Variants in GALNT7 observed in about 807,000 individuals in gnomAD.
The protein encoded by GALNT7 is polypeptide N-acetylgalactosaminyltransferase 7, also known as N-acetylgalactosaminyltransferase 7.
Under a neutral mutation model 82.1 loss-of-function variants are expected in GALNT7, and 60 were observed. The ratio of observed to expected loss-of-function variants is 0.73; its 90% CI spans 0.59 to 0.91. The LOEUF is 0.91. Among genes scored for constraint, GALNT7 ranks in the 40% least tolerant of loss-of-function variants. The pLI is 0.00. For synonymous variants in GALNT7, 243 were observed against 275.1 expected, an observed-to-expected ratio of 0.88 and a Z score of 1.15; for missense variants, 660 against 804.2, an observed-to-expected ratio of 0.82 and a Z score of 2.17.
intron 1 of GALNT7, among the ~76,000 whole-genome samples, chr4:173,208,626 C>T (rs988309085): frequency 1.3e-5 from 2 of 152,200 alleles, no homozygotes; most frequent in African/African-American, 2.4e-5. Context: ...TCCACTGCAG[C>T]TCTTTCGCTG....
Position 173,323,598 on chromosome 4 carries a change from G to A in GALNT7, c.*1881G>A, listed in dbSNP as rs1408118051. On this transcript the variant is annotated 3_prime_UTR_variant, in exon 12 of 12. Coordinates refer to ENST00000265000, the MANE Select transcript of GALNT7 (RefSeq NM_017423.3). ...AGAAAGGTGGCAATGAACTGTGCAT[G>A]TAAATTTTAAATGGGTACTTTGTGC... is the stretch of plus-strand genomic sequence containing the variant. The A allele has an allele frequency of 6.6e-6, 1 of 152,518 alleles. No homozygotes were observed. Among genetic ancestry groups the A allele is most frequent in the Non-Finnish European group, 1.5e-5 (1 of 67,982 alleles). 9.4% of individuals were successfully genotyped at this position (152,518 alleles called of 1,614,324 possible). A position where few individuals can be genotyped will look rare whatever the true frequency, so the allele number is the denominator to read the frequency against.
chr4:173,268,280 T>C (rs1352448552), intron 2 of GALNT7: 1 of 152,706 alleles, frequency 6.5e-6, no homozygotes, highest in East Asian at 1.9e-4. Flanking sequence ...TTATTTTACC[T>C]ATAACGTTGA....
intron 1 of GALNT7, among the ~76,000 whole-genome samples, chr4:173,219,773 G>A (rs957356979): frequency 6.6e-6 from 1 of 151,260 alleles, no homozygotes; most frequent in South Asian, 2.1e-4. Context: ...CATTTTTTTT[G>A]GCCATTTGTG....
At chr4:173,257,467 G>T (rs1357162206) in intron 2 of GALNT7, among the ~76,000 whole-genome samples, 1 of 152,108 alleles carries the variant, frequency 6.6e-6, no homozygotes, top group African/African-American at 2.4e-5. Flanking sequence ...CATCATTTTT[G>T]CAAGATACAA....
In GALNT7 at chr4:173,304,076, A is replaced by C. The variant is rs1293490128; in HGVS notation, c.1347A>C (p.Gly449=). The C allele has an allele frequency of 6.2e-7, 1 of 1,613,562 alleles. No individual in the cohort carries two copies. The highest frequency in any genetic ancestry group is 1.1e-5 in the South Asian group (1 of 91,038). Residue 449 remains glycine (G), a synonymous_variant, in exon 8 of 12, where the codon GGA becomes GGC. Transcript: ENST00000265000. Reference sequence around the variant, plus strand: ...TCTACCGTCTTGAGGGCTGGCAAGGAAATCCTCCGCCCATTTATGTTGGGT... The same window carrying C: ...TCTACCGTCTTGAGGGCTGGCAAGGCAATCCTCCGCCCATTTATGTTGGGT... ...GHIYRLEGWQ[G]NPPPIYVGSS...
chr4:173,291,243 G>T (rs1736520558), intron 2 of GALNT7, among the ~76,000 whole-genome samples: 1 of 152,164 alleles, frequency 6.6e-6, no homozygotes, highest in South Asian at 2.1e-4. Flanking sequence ...GTTATAGTTT[G>T]TTTGGGGGGA....
At chr4:173,206,079 G>A (rs923799350) in intron 1 of GALNT7, among the ~76,000 whole-genome samples, 2 of 152,218 alleles carry the variant, frequency 1.3e-5, no homozygotes, top group African/African-American at 2.4e-5. Context: ...CCTGGAGCCT[G>A]TATCTGCAGT....
chr4:173,225,240 C>T (rs1345131907), intron 1 of GALNT7, among the ~76,000 whole-genome samples: 1 of 151,954 alleles, frequency 6.6e-6, no homozygotes. Flanking sequence ...TCCTCCCTCC[C>T]CTCTTTTTTC....
intron 1 of GALNT7, among the ~76,000 whole-genome samples, chr4:173,171,603 G>A (rs1289354158): frequency 1.3e-5 from 2 of 152,242 alleles, no homozygotes; most frequent in Non-Finnish European, 1.5e-5. Flanking sequence ...CACCTGTGGA[G>A]TCAAGACAAA....
chr4:173,203,870 G>A (rs1365434900), intron 1 of GALNT7, among the ~76,000 whole-genome samples: 1 of 152,146 alleles, frequency 6.6e-6, no homozygotes, highest in Non-Finnish European at 1.5e-5. Context: ...TATAAGTGAT[G>A]TATACACCAC....
chr4:173,225,004 G>C (rs1733776467), intron 1 of GALNT7, among the ~76,000 whole-genome samples: 1 of 141,508 alleles, frequency 7.1e-6, no homozygotes, highest in Non-Finnish European at 1.5e-5. Flanking sequence ...GACAGAGCGA[G>C]ACTCTGTCTC....
chr4:173,315,576 T>TTCTGGCGTTC (rs1479652850), intron 9 of GALNT7, among the ~76,000 whole-genome samples: 1 of 152,146 alleles, frequency 6.6e-6, no homozygotes, highest in Non-Finnish European at 1.5e-5. Flanking sequence ...ACGCCAGCAT[T>TTCTGGCGTTC]TAGAGTTCAG....
chr4:173,265,651 C>T (rs1257473345), intron 2 of GALNT7, among the ~76,000 whole-genome samples: 2 of 132,992 alleles, frequency 1.5e-5, no homozygotes, highest in African/African-American at 2.7e-5. Context: ...AAGACCCCCT[C>T]ATTCCCCCCA....
chr4:173,307,814 G>A (rs1040646871), intron 8 of GALNT7, among the ~76,000 whole-genome samples: 15 of 152,204 alleles, frequency 9.9e-5, no homozygotes, highest in African/African-American at 3.6e-4. Context: ...TCAGGATCAG[G>A]GCTCACTGGG....
intron 1 of GALNT7, among the ~76,000 whole-genome samples, chr4:173,183,758 C>T (rs1183727596): frequency 2.7e-5 from 4 of 146,340 alleles, no homozygotes; most frequent in Admixed American, 6.8e-5. Flanking sequence ...ACCTCCCGGA[C>T]GGGGCGGCTG....
At chr4:173,257,647 C>T (rs1301316967) in intron 2 of GALNT7, among the ~76,000 whole-genome samples, 1 of 152,136 alleles carries the variant, frequency 6.6e-6, no homozygotes, top group Non-Finnish European at 1.5e-5. Flanking sequence ...GGGGAGATTC[C>T]ACTCTTCAAA....
intron 1 of GALNT7, among the ~76,000 whole-genome samples, chr4:173,246,752 T>C (rs1455611971): frequency 1.3e-5 from 2 of 152,202 alleles, no homozygotes; most frequent in Non-Finnish European, 2.9e-5. Context: ...TTGTATTTTT[T>C]AAGGCAAACT....
intron 2 of GALNT7, among the ~76,000 whole-genome samples, chr4:173,281,559 T>C (rs1351802324): frequency 6.6e-6 from 1 of 152,182 alleles, no homozygotes; most frequent in East Asian, 1.9e-4. Flanking sequence ...CTGGGCTCCC[T>C]GGCTGCACCC....
chr4:173,215,582 G>C (rs1256616306), intron 1 of GALNT7, among the ~76,000 whole-genome samples: 2 of 152,138 alleles, frequency 1.3e-5, no homozygotes, highest in Non-Finnish European at 2.9e-5. Flanking sequence ...CTGGGGATCA[G>C]AGCTGTGAGC....
Sources: allele counts gnomAD v4.1 joint callset (sites outside exome capture counted in the v4.1 genomes callset), GRCh38; gene constraint gnomAD v4.1.1; transcripts MANE v1.5; gene names NCBI Gene and HGNC (gene_info 2026-07-23, HGNC 2026-07-21).